Variants in SPATA1 observed in about 807,000 individuals in gnomAD.
SPATA1 encodes spermatogenesis-associated protein 1.
A neutral mutation model predicts 59.6 loss-of-function variants in SPATA1; 57 were observed. The ratio of observed to expected loss-of-function variants is 0.96; its 90% CI spans 0.77 to 1.19. SPATA1 has a LOEUF of 1.19. SPATA1 is among the 50% of genes most tolerant of loss of function. The pLI, the probability that SPATA1 is intolerant of heterozygous loss-of-function variation, is 0.00. For missense variants in SPATA1, 448 were observed against 480.7 expected (o/e 0.93, Z 0.64); for synonymous variants, 147 against 163.9 (o/e 0.90, Z 0.79).
At chr1:84,558,391 G>A (rs992099303), downstream of SPATA1, among the ~76,000 whole-genome samples, 2 of 150,128 alleles carry the variant, frequency 1.3e-5, no homozygotes, top group African/African-American at 2.4e-5. Context: ...CCGGGTTCAC[G>A]CCATTCTCCT....
chr1:84,525,912 C>T, exon 6 of SPATA1: 1 of 1,613,706 alleles, frequency 6.2e-7, no homozygotes, highest in Non-Finnish European at 8.5e-7. Flanking sequence ...TCACCATCAA[C>T]AGTTATTTTA....
chr1:84,516,288 A>G, exon 2 of SPATA1: 2 of 1,326,296 alleles, frequency 1.5e-6, no homozygotes, highest in Non-Finnish European at 2.0e-6. Flanking sequence ...ATTTAGTACT[A>G]CTTAAATGAA....
exon 10 of SPATA1, chr1:84,545,660 C>A: frequency 3.3e-6 from 5 of 1,513,588 alleles, no homozygotes; most frequent in Admixed American, 2.5e-5. Context: ...ACAAATGAAA[C>A]AAGTAAAGGA....
At chr1:84,544,025 A>G (rs188142849) in intron 8 of SPATA1, among the ~76,000 whole-genome samples, 177 bp from the exon 9 acceptor site, 25 of 152,352 alleles carry the variant, frequency 1.6e-4, no homozygotes, top group Admixed American at 1.5e-3. Context: ...TCCAAGTAAT[A>G]GAATACAGAG....
At position 84,552,944 on chromosome 1, in the gene SPATA1, C is replaced by T. The variant is rs144333140; in HGVS notation, c.1225-91C>T. ...GCCAAATGAGAGAAGACAGTTAAAG[C>T]GGTTACAAAAACCCTGTTTACATGA... On this transcript the variant is annotated intron_variant, in intron 12 of 12. Coordinates refer to ENST00000490879, the Ensembl canonical transcript of SPATA1. The T allele has an allele frequency of 5.4e-4, 411 of 767,502 alleles. 1 individual carries two copies. In the African/African-American group the frequency reaches 6.4e-3, roughly 12 times the overall value. 47.5% of individuals were successfully genotyped at this position (767,502 alleles called of 1,614,324 possible). A position where few individuals can be genotyped will look rare whatever the true frequency, so the allele number is the denominator to read the frequency against.
chr1:84,553,398 C>T (rs1684334464), exon 13 of SPATA1: 1 of 156,186 alleles, frequency 6.4e-6, no homozygotes, highest in East Asian at 1.8e-4. Context: ...TAATAAAATT[C>T]AATAATAATT....
intron 2 of SPATA1, among the ~76,000 whole-genome samples, chr1:84,519,345 A>G (rs1011432218): frequency 2.0e-5 from 3 of 152,076 alleles, no homozygotes; most frequent in African/African-American, 4.8e-5. Flanking sequence ...GTGTAAATAG[A>G]ATATTTAACC....
intron 7 of SPATA1, among the ~76,000 whole-genome samples, chr1:84,533,369 TAC>T (rs1683548331): frequency 6.6e-6 from 1 of 152,108 alleles, no homozygotes; most frequent in South Asian, 2.1e-4. Flanking sequence ...AGACGAGTTT[TAC>T]ACAGTCTTTT....
At chr1:84,565,683 C>T (rs1313815368) in intron 4 of SPATA1, among the ~76,000 whole-genome samples, 178 bp from the exon 14 acceptor site, 1 of 152,070 alleles carries the variant, frequency 6.6e-6, no homozygotes, top group Non-Finnish European at 1.5e-5. Flanking sequence ...TTTTTGTAAA[C>T]TTTAAAGCTT....
Position 84,548,750 on chromosome 1 carries a change from CTTTTT to C in SPATA1, c.947-9_947-5del, listed in dbSNP as rs56250726. On this transcript the variant is annotated intron_variant, in intron 10 of 12. Coordinates refer to ENST00000490879, the Ensembl canonical transcript of SPATA1. ...TTTAATACTCAAACGAAGGCCTTTC[CTTTTT>C]TTTTTTTTTTTTTTTTTTTTTTTTT... 7.2e-3 allele frequency: 6,540 copies of C among 911,438 alleles called. 5 individuals carry two copies. The highest frequency in any genetic ancestry group is 0.022 in the African/African-American group (756 of 33,650). The allele number at this position is 911,438 out of a possible 1,614,324, so 56.5% of individuals were successfully genotyped here.
chr1:84,513,242 T>G (rs955525816), intron 1 of SPATA1, among the ~76,000 whole-genome samples: 1 of 152,216 alleles, frequency 6.6e-6, no homozygotes, highest in South Asian at 2.1e-4. Context: ...TTCAGGCAAT[T>G]CTTCTGCCTC....
At chr1:84,522,160 AAC>A (rs780120108) in intron 3 of SPATA1, among the ~76,000 whole-genome samples, 1 of 152,224 alleles carries the variant, frequency 6.6e-6, no homozygotes, top group Non-Finnish European at 1.5e-5. Flanking sequence ...AACATTTATA[AAC>A]AGTGTTTATT....
intron 4 of SPATA1, chr1:84,563,331 T>G (rs772796713): frequency 6.2e-7 from 1 of 1,600,048 alleles, no homozygotes; most frequent in Non-Finnish European, 8.5e-7. Context: ...ATTTGCTTCA[T>G]GATCGTTTTG....
chr1:84,515,268 A>C (rs935259821), intron 1 of SPATA1, among the ~76,000 whole-genome samples: 2 of 152,192 alleles, frequency 1.3e-5, no homozygotes, highest in Non-Finnish European at 2.9e-5. Flanking sequence ...CATGGTCAAA[A>C]TGGCAAATCA....
chr1:84,525,875 G>A, exon 6 of SPATA1: 1 of 1,613,284 alleles, frequency 6.2e-7, no homozygotes, highest in Non-Finnish European at 8.5e-7. Flanking sequence ...TTTGCTTCCT[G>A]TAATGGACCA....
intron 4 of SPATA1, among the ~76,000 whole-genome samples, chr1:84,561,830 A>G (rs1424262724): frequency 2.6e-5 from 4 of 152,212 alleles, no homozygotes; most frequent in African/African-American, 9.6e-5. Flanking sequence ...AAATTAAGGT[A>G]TGTACTTTTT....
At chr1:84,538,236 C>T (rs1024092047) in intron 8 of SPATA1, among the ~76,000 whole-genome samples, 12 of 152,214 alleles carry the variant, frequency 7.9e-5, no homozygotes, top group African/African-American at 2.9e-4. Context: ...TTATTACAGC[C>T]TGATGCTCCT....
At chr1:84,551,123 T>C in intron 12 of SPATA1, 1 of 985,252 alleles carries the variant, frequency 1.0e-6, no homozygotes, top group Non-Finnish European at 1.2e-6. Flanking sequence ...ATAGAAATTA[T>C]CTGTGAAGTA....
At chr1:84,563,876 T>C (rs1684640405) in intron 4 of SPATA1, 2 of 1,576,818 alleles carry the variant, frequency 1.3e-6, no homozygotes, top group Non-Finnish European at 1.7e-6. Flanking sequence ...TCTCTTCATA[T>C]GTCAATGTGT....
Sources: allele counts gnomAD v4.1 joint callset (sites outside exome capture counted in the v4.1 genomes callset), GRCh38; gene constraint gnomAD v4.1.1; transcripts MANE v1.5; gene names NCBI Gene and HGNC (gene_info 2026-07-23, HGNC 2026-07-21).